The following NOX4 variants were observed in gnomAD, a reference collection of about 807,000 sequenced individuals.
NOX4 encodes the protein kidney oxidase-1.
In NOX4, 69 loss-of-function variants were observed where a neutral mutation model predicts 87.6. The observed-to-expected ratio is 0.79, with a 90% CI of 0.65 to 0.96. NOX4 has a LOEUF of 0.96. Ranked by LOEUF, NOX4 falls within the 40% of genes least tolerant of loss-of-function variation. The pLI, the probability that NOX4 is intolerant of heterozygous loss-of-function variation, is 0.00. For synonymous variants in NOX4, 275 were observed against 238.2 expected (o/e 1.15, Z -1.42); for missense variants, 680 against 681.5 (o/e 1.00, Z 0.02).
rs1357916219 is a variant in NOX4, at chr11:89,324,927, T to G, written c.*1829A>C. The G allele has an allele frequency of 1.3e-5, 2 of 152,002 alleles. No homozygotes were observed. The highest frequency in any genetic ancestry group is 2.9e-5 in the Non-Finnish European group (2 of 67,980). The allele number at this position is 152,002 out of a possible 1,614,324, so 9.4% of individuals were successfully genotyped here. A position where few individuals can be genotyped will look rare whatever the true frequency, so the allele number is the denominator to read the frequency against. On this transcript the variant is annotated 3_prime_UTR_variant, in exon 18 of 18. Transcript: ENST00000263317. ...ACAAGTAAATATCATTCAGTATGGG[T>G]TAGCATGCTTGATTGCTATTGGTGA...
chr11:89,334,187 G>C (rs1021427166), intron 17 of NOX4, among the ~76,000 whole-genome samples: 9 of 151,650 alleles, frequency 5.9e-5, no homozygotes, highest in Non-Finnish European at 7.4e-5. Flanking sequence ...TGGCACTAAA[G>C]AGGAACATGT....
At chr11:89,425,683 A>C (rs1943358737) in intron 7 of NOX4, among the ~76,000 whole-genome samples, 1 of 152,074 alleles carries the variant, frequency 6.6e-6, no homozygotes, top group Admixed American at 6.6e-5. Context: ...TTAGTGAAGA[A>C]GAGCAAGAAG....
intron 2 of NOX4, among the ~76,000 whole-genome samples, chr11:89,480,099 C>G (rs921962125): frequency 6.6e-6 from 1 of 152,140 alleles, no homozygotes; most frequent in African/African-American, 2.4e-5. Flanking sequence ...ACTGGACCTG[C>G]GCAGTTCAAA....
chr11:89,449,539 T>A lies in NOX4; in HGVS notation c.265-15A>T, dbSNP rs1279562232. ...CTGCTTGGAACCTAAACAAAAATCA[T>A]TTAATATGGTAAAAATAATGCAACA... On this transcript the variant is annotated splice_polypyrimidine_tract_variant and intron_variant, in intron 3 of 17. Coordinates refer to ENST00000263317, the MANE Select transcript of NOX4 (RefSeq NM_016931.5). 1.3e-6 allele frequency: 2 copies of A among 1,584,936 alleles called. No homozygotes were observed. Among genetic ancestry groups the A allele is most frequent in the African/African-American group, 1.3e-5 (1 of 74,320 alleles).
the NOX4 span, among the ~76,000 whole-genome samples, chr11:89,568,982 A>C: frequency 6.6e-6 from 1 of 152,188 alleles, no homozygotes; most frequent in Non-Finnish European, 1.5e-5. Context: ...TTGAAGCTGG[A>C]CCCCTTCTCT....
the NOX4 span, among the ~76,000 whole-genome samples, chr11:89,527,475 C>T: frequency 2.0e-5 from 3 of 152,248 alleles, no homozygotes; most frequent in East Asian, 5.8e-4. Flanking sequence ...TATAGCAGCC[C>T]CCACATCACA....
chr11:89,507,062 G>T, the NOX4 span, among the ~76,000 whole-genome samples: 5 of 151,882 alleles, frequency 3.3e-5, no homozygotes, highest in Non-Finnish European at 2.9e-5. Flanking sequence ...TGTACTGCAT[G>T]ATTCCATTTT....
intron 6 of NOX4, among the ~76,000 whole-genome samples, chr11:89,440,096 G>A (rs1175500053): frequency 6.6e-6 from 1 of 152,030 alleles, no homozygotes; most frequent in African/African-American, 2.4e-5. Flanking sequence ...TAAGAATGCG[G>A]TTGCATTGTT....
chr11:89,428,219 G>C (rs996363198), intron 7 of NOX4, among the ~76,000 whole-genome samples: 3 of 152,098 alleles, frequency 2.0e-5, no homozygotes, highest in African/African-American at 7.2e-5. Context: ...CCTGAAGGAA[G>C]CACTAAACAT....
intron 7 of NOX4, among the ~76,000 whole-genome samples, chr11:89,427,322 C>T (rs1263946277): frequency 6.6e-6 from 1 of 152,108 alleles, no homozygotes; most frequent in African/African-American, 2.4e-5. Flanking sequence ...GCGCCTCTCC[C>T]CCTCCAAAGG....
chr11:89,408,342 C>T (rs1191850827), intron 8 of NOX4, among the ~76,000 whole-genome samples: 2 of 152,098 alleles, frequency 1.3e-5, no homozygotes, highest in East Asian at 3.9e-4. Flanking sequence ...GATATTCGAC[C>T]TCATTTTCAA....
rs115032879 is a variant in NOX4 at position 89,439,938 on chromosome 11, G to A, written c.475+750C>T. On this transcript the variant is annotated intron_variant, in intron 6 of 17. Transcript: ENST00000263317. ...GTTGTAAATTTTAAGATTAAAAAAA[G>A]TTGCACTAAATTACTGAATTATAAG... is the stretch of plus-strand genomic sequence containing the variant. 4.1e-3 allele frequency among the ~76,000 whole-genome samples: 625 copies of A among 152,190 alleles called. 3 individuals carry two copies. Among genetic ancestry groups the A allele is most frequent in the African/African-American group, 0.014 (590 of 41,522 alleles).
At chr11:89,545,147 G>T in the NOX4 span, 1 of 152,186 alleles carries the variant, frequency 6.6e-6, no homozygotes, top group Non-Finnish European at 1.5e-5. Flanking sequence ...TACCATGACA[G>T]TTACTGCAGA....
intron 8 of NOX4, among the ~76,000 whole-genome samples, chr11:89,417,105 G>A (rs564586999): frequency 9.9e-5 from 15 of 152,110 alleles, no homozygotes; most frequent in Non-Finnish European, 2.2e-4. Context: ...CCAAGCTAAA[G>A]CCAGTGGGAG....
At chr11:89,482,579 C>A (rs574936176) in intron 2 of NOX4, among the ~76,000 whole-genome samples, 1 of 152,126 alleles carries the variant, frequency 6.6e-6, no homozygotes, top group Non-Finnish European at 1.5e-5. Flanking sequence ...CCTGCTGACA[C>A]CTTCATCTTG....
At chr11:89,411,579 G>A (rs1942479654) in intron 8 of NOX4, among the ~76,000 whole-genome samples, 1 of 152,118 alleles carries the variant, frequency 6.6e-6, no homozygotes, top group African/African-American at 2.4e-5. Context: ...ATAGGCAGTA[G>A]CTACGCAGTA....
At chr11:89,470,037 G>A (rs1945860412) in intron 2 of NOX4, among the ~76,000 whole-genome samples, 1 of 150,950 alleles carries the variant, frequency 6.6e-6, no homozygotes, top group Admixed American at 6.6e-5. Context: ...GTAACTATGT[G>A]ACTTTATCTC....
At chr11:89,342,342 G>A in intron 13 of NOX4, 149 bp from the exon 14 acceptor site, 2 of 601,182 alleles carry the variant, frequency 3.3e-6, no homozygotes, top group South Asian at 2.4e-5. Context: ...TTAGCCTAAA[G>A]GAGTAGCAAA....
intron 2 of NOX4, among the ~76,000 whole-genome samples, chr11:89,478,615 C>T (rs547372705): frequency 6.6e-6 from 1 of 152,060 alleles, no homozygotes; most frequent in Non-Finnish European, 1.5e-5. Context: ...AACGAATTAA[C>T]TTTCATATAC....
Sources: allele counts gnomAD v4.1 joint callset (sites outside exome capture counted in the v4.1 genomes callset), GRCh38; gene constraint gnomAD v4.1.1; transcripts MANE v1.5; gene names NCBI Gene and HGNC (gene_info 2026-07-23, HGNC 2026-07-21).